The following NOC2L variants were observed in gnomAD, a reference collection of about 807,000 sequenced individuals.
NOC2L encodes the protein nucleolar complex protein 2 homolog.
A neutral mutation model predicts 94.2 loss-of-function variants in NOC2L; 101 were observed. That is an observed-to-expected ratio of 1.07 (90% CI 0.91 to 1.26). The LOEUF is 1.26. NOC2L is among the 50% of genes most tolerant of loss of function. NOC2L has a pLI of 0.00. For missense variants in NOC2L, 1,076 were observed against 980.1 expected, an observed-to-expected ratio of 1.10 and a Z score of -1.31; for synonymous variants, 531 against 413.4, an observed-to-expected ratio of 1.28 and a Z score of -3.45.
chr1:948,818 G>A (rs988628541), intron 12 of NOC2L, among the ~76,000 whole-genome samples: 16 of 152,024 alleles, frequency 1.1e-4, no homozygotes, highest in Admixed American at 7.2e-4. Context: ...ACAGCCTGGC[G>A]TGTCCCCGAG....
rs745683490 is a variant in NOC2L at position 944,954 on chromosome 1, G to A, written c.2143+103C>T. ...GCATTTGGCCTGGCCTTCCCAGGGA[G>A]GGAAAAGCCTGGCCCAGAGCCCCAC... On this transcript the variant is annotated intron_variant, in intron 18 of 18. Coordinates refer to ENST00000327044, the MANE Select transcript of NOC2L (RefSeq NM_015658.4). The A allele has an allele frequency of 2.6e-6, 4 of 1,567,172 alleles. No individual in the cohort carries two copies. The African/African-American group carries it at 4.1e-5, about 16-fold the overall frequency.
chr1:945,611 C>A lies in NOC2L; in HGVS notation c.1960G>T (p.Ala654Ser), dbSNP rs781377753. The change falls in exon 17 of 19, where the codon GCT becomes TCT. Residue 654 changes from alanine to serine, a missense_variant. Transcript: ENST00000327044. ...NFPEIKRRKMADRKDEDRKQF... is the reference protein window; with the variant it reads ...NFPEIKRRKMSDRKDEDRKQF... ...TTCCTGTCCTCATCCTTCCTGTCAG[C>A]CATCTTCCTTCGTTTGATCTCAGGG... 1 of 1,614,066 alleles carries A rather than the reference C, an allele frequency of 6.2e-7. No homozygotes were observed. The highest frequency in any genetic ancestry group is 8.5e-7 in the Non-Finnish European group (1 of 1,180,024).
chr1:958,750 T>C (rs1642491104), intron 2 of NOC2L, 179 bp downstream of exon 2: 4 of 733,006 alleles, frequency 5.5e-6, no homozygotes, highest in Non-Finnish European at 9.7e-6. Context: ...AGGACAGAGT[T>C]TGGCACGGAA....
intron 12 of NOC2L, among the ~76,000 whole-genome samples, chr1:949,990 T>TG (rs1210103690): frequency 1.3e-5 from 2 of 152,012 alleles, no homozygotes; most frequent in African/African-American, 4.8e-5. Flanking sequence ...TACAGCGGGG[T>TG]GGGGCCTAAC....
chr1:946,480 C>T lies in NOC2L; in HGVS notation c.1725G>A (p.Gly575=), dbSNP rs71628925. 2 of 1,613,182 alleles carry T rather than the reference C, an allele frequency of 1.2e-6. No individual in the cohort carries two copies. The highest frequency in any genetic ancestry group is 1.7e-5 in the Admixed American group (1 of 59,998). Residue 575 remains glycine, a synonymous_variant, in exon 15 of 19, where the codon GGG becomes GGA. Coordinates refer to ENST00000327044, the MANE Select transcript of NOC2L (RefSeq NM_015658.4). Reference sequence around the variant, plus strand: ...TGTATGCCGAGTTCTCCTGAACCTTCCCAAGCAGCTGCTGCACCTGCCGGC... The same window carrying T: ...TGTATGCCGAGTTCTCCTGAACCTTTCCAAGCAGCTGCTGCACCTGCCGGC... The part of the protein sequence containing the change: ...NYCRQVQQLL[G]KVQENSAYIC...
intron 12 of NOC2L, 34 bp downstream of exon 12, chr1:951,093 A>G (rs1642248849): frequency 6.8e-7 from 1 of 1,465,010 alleles, no homozygotes; most frequent in East Asian, 2.4e-5. Context: ...AGGAGCAGGC[A>G]GAGGTGCCAC....
chr1:956,809 C>T (rs1193793079), intron 4 of NOC2L, 85 bp downstream of exon 4: 6 of 1,576,350 alleles, frequency 3.8e-6, no homozygotes, highest in Middle Eastern at 2.3e-4. Context: ...CCCAGCTGCC[C>T]GCCCCTCGCT....
At chr1:945,996 C>A (rs1472960522) in intron 16 of NOC2L, among the ~76,000 whole-genome samples, 177 bp downstream of exon 16, 1 of 152,232 alleles carries the variant, frequency 6.6e-6, no homozygotes, top group South Asian at 2.1e-4. Flanking sequence ...TCCCTGGAAA[C>A]GCCTGGTTCT....
chr1:948,390 T>G (rs1642173004), intron 13 of NOC2L, 100 bp downstream of exon 13: 1 of 1,065,338 alleles, frequency 9.4e-7, no homozygotes, highest in Non-Finnish European at 1.4e-6. Flanking sequence ...TGAAGGTCCA[T>G]GCTTGAACTT....
intron 4 of NOC2L, 23 bp from the exon 5 acceptor site, chr1:956,238 G>GGC: frequency 6.2e-7 from 1 of 1,610,864 alleles, no homozygotes. Flanking sequence ...GAGTACCAGG[G>GGC]GCGTCAGGGG....
intron 4 of NOC2L, among the ~76,000 whole-genome samples, 198 bp downstream of exon 4, chr1:956,696 C>A (rs552332551): frequency 3.9e-5 from 6 of 152,334 alleles, no homozygotes; most frequent in African/African-American, 1.4e-4. Flanking sequence ...TTGTCACTTG[C>A]GCTGAAGAAG....
In NOC2L at chr1:956,908, T is replaced by C. The variant is rs769060324; in HGVS notation, c.472A>G (p.Lys158Glu). The C allele has an allele frequency of 1.9e-6, 3 of 1,613,864 alleles. No homozygotes were observed. Among genetic ancestry groups the C allele is most frequent in the Admixed American group, 3.3e-5 (2 of 60,032 alleles). ...CTGCTGCTCACCTTTGCTGCCTGCT[T>C]CCATCTCTCAACCATGGCGACGGTC... ...PVTVAMVERWKQAAKQRLTPK... is the reference protein window; with the variant it reads ...PVTVAMVERWEQAAKQRLTPK... The change falls in exon 4 of 19, where the codon AAG becomes GAG. Residue 158 changes from lysine to glutamate, a missense_variant. Around this residue, in one of 3 missense-constraint regions of NOC2L, gnomAD observed 457 missense variants for 386.0 expected, o/e 1.18. Coordinates refer to ENST00000327044, the MANE Select transcript of NOC2L (RefSeq NM_015658.4).
At chr1:945,696 G>A (rs772866895) in intron 16 of NOC2L, 43 bp from the exon 17 acceptor site, 1 of 1,613,538 alleles carries the variant, frequency 6.2e-7, no homozygotes, top group Admixed American at 1.7e-5. Context: ...GAGAGGGCAG[G>A]GGCTGGCGGC....
chr1:946,026 A>T, intron 16 of NOC2L, 147 bp downstream of exon 16: 2 of 648,990 alleles, frequency 3.1e-6, no homozygotes, highest in Non-Finnish European at 5.3e-6. Flanking sequence ...TCCAACACCT[A>T]CCCCCTCTCC....
chr1:951,106 G>A lies in NOC2L; in HGVS notation c.1443+21C>T, dbSNP rs372792729. The stretch of plus-strand genomic sequence containing the variant: ...ACAGGAGCAGGCAGAGGTGCCACAC[G>A]CCCACCACAGCCTCACTCACCTCCA... On this transcript the variant is annotated intron_variant, in intron 12 of 18. Transcript: ENST00000327044. 76 of 1,521,206 alleles carry A rather than the reference G, an allele frequency of 5.0e-5. No individual in the cohort carries two copies. In the Middle Eastern group the frequency reaches 5.8e-4, roughly 12 times the overall value. 94.2% of individuals were successfully genotyped at this position (1,521,206 alleles called of 1,614,324 possible).
chr1:955,778 C>T (rs889577401), intron 6 of NOC2L, 145 bp downstream of exon 6: 24 of 708,718 alleles, frequency 3.4e-5, no homozygotes, highest in Non-Finnish European at 5.8e-5. Flanking sequence ...AACGGTCCCT[C>T]GTGCCCCGCT....
At chr1:949,345 C>G (rs935022193) in intron 12 of NOC2L, among the ~76,000 whole-genome samples, 1 of 152,208 alleles carries the variant, frequency 6.6e-6, no homozygotes, top group African/African-American at 2.4e-5. Flanking sequence ...GCAGGGGTGG[C>G]TGCCAGACAG....
intron 6 of NOC2L, among the ~76,000 whole-genome samples, chr1:955,629 A>C (rs1158320839): frequency 6.6e-6 from 1 of 152,222 alleles, no homozygotes; most frequent in Non-Finnish European, 1.5e-5. Context: ...ATAGAGCAAG[A>C]ACCCTAACCT....
chr1:951,164 G>A lies in NOC2L; in HGVS notation c.1406C>T (p.Ser469Leu), dbSNP rs549858391. The A allele has an allele frequency of 5.0e-6, 8 of 1,594,092 alleles. No individual in the cohort carries two copies. The highest frequency in any genetic ancestry group is 2.7e-5 in the African/African-American group (2 of 74,596). Residue 469 changes from serine to leucine, a missense_variant, in exon 12 of 19, where the codon TCG (serine) becomes TTG (leucine). Around this residue, in one of 3 missense-constraint regions of NOC2L, gnomAD observed 615 missense variants for 577.4 expected, o/e 1.07. Coordinates refer to ENST00000327044, the MANE Select transcript of NOC2L (RefSeq NM_015658.4). ...AGGCAGCACCGGGATGAAGGCCCCCGAGCTCCCCGAGAGCAGCGTCAGGGC... is the reference window on the plus strand; with the variant it reads ...AGGCAGCACCGGGATGAAGGCCCCCAAGCTCCCCGAGAGCAGCGTCAGGGC... ...IRALTLLSGS[S>L]GAFIPVLPFI...
Sources: allele counts gnomAD v4.1 joint callset (sites outside exome capture counted in the v4.1 genomes callset), GRCh38; gene constraint gnomAD v4.1.1; regional missense constraint gnomAD v4.1.1; transcripts MANE v1.5; gene names NCBI Gene and HGNC (gene_info 2026-07-23, HGNC 2026-07-21).